The following RPTOR variants were observed in gnomAD, a reference collection of about 807,000 sequenced individuals.
RPTOR encodes regulatory-associated protein of mTOR.
A neutral mutation model predicts 169.9 loss-of-function variants in RPTOR; 21 were observed. The observed-to-expected ratio is 0.12, with a 90% CI of 0.09 to 0.18. The LOEUF (loss-of-function observed/expected upper bound fraction) is 0.18. RPTOR is among the 10% of genes least tolerant of loss of function. The probability of loss-of-function intolerance (pLI) is 1.00; values close to 1 mark genes in which losing one functional copy is unlikely to be tolerated. For synonymous variants in RPTOR, 732 were observed against 753.2 expected (o/e 0.97, Z 0.46); for missense variants, 1,133 against 1,855.9 (o/e 0.61, Z 7.16).
At chr17:80,595,276 G>C (rs1360478124) in intron 1 of RPTOR, among the ~76,000 whole-genome samples, 1 of 152,188 alleles carries the variant, frequency 6.6e-6, no homozygotes, top group Non-Finnish European at 1.5e-5. Context: ...CTTTACACTA[G>C]CTCCAGCTTT....
chr17:80,824,885 G>C (rs1598332147), intron 9 of RPTOR, among the ~76,000 whole-genome samples: 2 of 152,282 alleles, frequency 1.3e-5, no homozygotes, highest in African/African-American at 4.8e-5. Flanking sequence ...GCACAGAGAG[G>C]AGCCAGGAGG....
At chr17:80,885,247 T>G in intron 17 of RPTOR, 99 bp downstream of exon 17, 1 of 1,356,900 alleles carries the variant, frequency 7.4e-7, no homozygotes, top group Non-Finnish European at 9.9e-7. Context: ...CAGGGAGCAC[T>G]CAGTTTCCAC....
chr17:80,695,206 C>G lies in RPTOR; in HGVS notation c.349-12635C>G, dbSNP rs1268686422. Among the ~76,000 whole-genome samples, 16 of 152,136 alleles carry G rather than the reference C, an allele frequency of 1.1e-4. No homozygotes were observed. Among genetic ancestry groups the G allele is most frequent in the Non-Finnish European group, 1.3e-4 (9 of 68,036 alleles). On this transcript the variant is annotated intron_variant, in intron 3 of 33. Transcript: ENST00000306801. The surrounding 1 kb of genome is among the most constrained non-coding windows in gnomAD (Gnocchi z 4.9). Reference sequence around the variant, plus strand: ...TGCATGTGCCCAAGACAGAGGCTGCCCCGACCCGTGCTGTGCGGGTCACTC... The same window carrying G: ...TGCATGTGCCCAAGACAGAGGCTGCGCCGACCCGTGCTGTGCGGGTCACTC...
At chr17:80,905,122 T>C (rs2068524399) in intron 20 of RPTOR, among the ~76,000 whole-genome samples, 1 of 151,978 alleles carries the variant, frequency 6.6e-6, no homozygotes, top group Non-Finnish European at 1.5e-5. Flanking sequence ...GCATCTTCTC[T>C]AGTTTCCTTA....
At chr17:80,742,512 T>C (rs974539002) in intron 5 of RPTOR, among the ~76,000 whole-genome samples, 7 of 151,740 alleles carry the variant, frequency 4.6e-5, no homozygotes, top group Admixed American at 2.6e-4. Context: ...CACATGCACA[T>C]AGACAACACA....
chr17:80,772,334 C>T (rs1474343578), intron 6 of RPTOR, among the ~76,000 whole-genome samples: 1 of 152,208 alleles, frequency 6.6e-6, no homozygotes, highest in Non-Finnish European at 1.5e-5. Flanking sequence ...TTTTGGGCAG[C>T]CCTTAGACCT....
At chr17:80,669,010 C>A (rs1432009128) in intron 3 of RPTOR, among the ~76,000 whole-genome samples, 1 of 152,244 alleles carries the variant, frequency 6.6e-6, no homozygotes, top group Non-Finnish European at 1.5e-5. Flanking sequence ...ACCACAGAGG[C>A]TGGAGAGCCA....
chr17:80,670,305 G>A (rs890944637), intron 3 of RPTOR, among the ~76,000 whole-genome samples: 1 of 152,080 alleles, frequency 6.6e-6, no homozygotes, highest in Non-Finnish European at 1.5e-5. Context: ...TCCCTTGTCC[G>A]TGTCGGGAAT....
At chr17:80,831,367 G>A (rs544710523) in intron 9 of RPTOR, among the ~76,000 whole-genome samples, 7 of 152,270 alleles carry the variant, frequency 4.6e-5, no homozygotes, top group South Asian at 2.1e-4. Flanking sequence ...TGTGGAGTCC[G>A]TTATTGCAGA....
intron 6 of RPTOR, among the ~76,000 whole-genome samples, chr17:80,776,045 C>T (rs199790406): frequency 6.6e-6 from 1 of 151,912 alleles, no homozygotes; most frequent in Non-Finnish European, 1.5e-5. Flanking sequence ...TACATAGAAC[C>T]TTCCTTAGCT....
chr17:80,608,860 T>C (rs1020411241), intron 1 of RPTOR, among the ~76,000 whole-genome samples: 4 of 152,216 alleles, frequency 2.6e-5, no homozygotes, highest in African/African-American at 4.8e-5. Flanking sequence ...GTGGTTCAGA[T>C]GGAACCGCTA....
chr17:80,931,231 T>C (rs1225496728), intron 24 of RPTOR, among the ~76,000 whole-genome samples: 1 of 152,140 alleles, frequency 6.6e-6, no homozygotes, highest in Non-Finnish European at 1.5e-5. Context: ...AGCTATAAAA[T>C]TCTGACTTTT....
chr17:80,660,046 G>A (rs1326590539), intron 3 of RPTOR, among the ~76,000 whole-genome samples: 3 of 151,992 alleles, frequency 2.0e-5, no homozygotes, highest in Non-Finnish European at 2.9e-5. Flanking sequence ...CGAGGTGGGC[G>A]GATCATCTGA....
At chr17:80,678,998 C>T (rs750105431) in intron 3 of RPTOR, among the ~76,000 whole-genome samples, 1 of 152,244 alleles carries the variant, frequency 6.6e-6, no homozygotes, top group Non-Finnish European at 1.5e-5. Context: ...ATTTCTCTCG[C>T]TCTTCACAAG....
At chr17:80,879,964 C>T (rs1011811789) in intron 13 of RPTOR, among the ~76,000 whole-genome samples, 2 of 152,192 alleles carry the variant, frequency 1.3e-5, no homozygotes, top group African/African-American at 4.8e-5. Flanking sequence ...GCCTCACACA[C>T]GATTGGTTTT....
chr17:80,555,916 G>A (rs1276041612), intron 1 of RPTOR, among the ~76,000 whole-genome samples: 1 of 152,136 alleles, frequency 6.6e-6, no homozygotes, highest in Non-Finnish European at 1.5e-5. Flanking sequence ...ACCAAGTGGA[G>A]AGGAGTTGTG....
At chr17:80,776,418 G>GATTCAAGCGATTCTCCTGC (rs1382565380) in intron 6 of RPTOR, among the ~76,000 whole-genome samples, 2 of 148,530 alleles carry the variant, frequency 1.3e-5, no homozygotes, top group Non-Finnish European at 3.0e-5. Context: ...CTGCCTCCTG[G>GATTCAAGCGATTCTCCTGC]ATTCAAGCGA....
rs761862813 is a variant in RPTOR, at chr17:80,730,622, G to A, written c.570G>A (p.Ser190=). The change falls in exon 5 of 34, where the codon TCG becomes TCA. Residue 190 remains serine (S), a synonymous_variant. Coordinates refer to ENST00000306801, the MANE Select transcript of RPTOR (RefSeq NM_020761.3). This position sits in a 1 kb window ranked among gnomAD's most constrained non-coding sequence, Gnocchi z 4.2. ...YDLQTWMGSP[S]IFVYDCSNAG... ...TGCAGACGTGGATGGGCAGCCCGTC[G>A]ATCTTCGTCTACGACTGCTCCAATG... 3.9e-5 allele frequency: 63 copies of A among 1,614,074 alleles called. No homozygotes were observed. The highest frequency in any genetic ancestry group is 6.6e-5 in the South Asian group (6 of 91,082).
At chr17:80,774,040 G>A (rs1045631027) in intron 6 of RPTOR, 1 of 985,410 alleles carries the variant, frequency 1.0e-6, no homozygotes. Flanking sequence ...ATCACTCCCT[G>A]TTTTTCTATT....
Sources: allele counts gnomAD v4.1 joint callset (sites outside exome capture counted in the v4.1 genomes callset), GRCh38; gene constraint gnomAD v4.1.1; non-coding constraint Gnocchi (gnomAD v3.1); transcripts MANE v1.5; gene names NCBI Gene and HGNC (gene_info 2026-07-23, HGNC 2026-07-21).